XPO4: variants seen among roughly 807,000 people sequenced by gnomAD.
The protein encoded by XPO4 is exportin 4, also known as exportin-4.
XPO4 carries 39 observed loss-of-function variants against 143.0 expected under a neutral mutation model. The observed-to-expected ratio is 0.27, with a 90% confidence interval of 0.21 to 0.36. The LOEUF is 0.36. XPO4 is among the 10% of genes least tolerant of loss of function. The pLI is 1.00. For synonymous variants in XPO4, 439 were observed against 474.0 expected (o/e 0.93, Z 0.96); for missense variants, 907 against 1,348.0 (o/e 0.67, Z 5.12).
rs1486746003 is a variant in XPO4, at chr13:20,897,011, C to T, written c.69+5659G>A. Reference sequence around the variant, plus strand: ...AATTAGTGTGACACAAGTCCAACTGCAAATACACATTTAATTGAACTGAAT... The same window carrying T: ...AATTAGTGTGACACAAGTCCAACTGTAAATACACATTTAATTGAACTGAAT... On this transcript the variant is annotated intron_variant, in intron 1 of 22. Coordinates refer to ENST00000255305, the MANE Select transcript of XPO4 (RefSeq NM_022459.5). Among the ~76,000 whole-genome samples, 4 of 152,164 alleles carry T rather than the reference C, an allele frequency of 2.6e-5. No individual in the cohort carries two copies. In the East Asian group the frequency reaches 7.7e-4, roughly 29 times the overall value.
chr13:20,894,219 T>C (rs1056488068), intron 1 of XPO4, among the ~76,000 whole-genome samples: 3 of 152,190 alleles, frequency 2.0e-5, no homozygotes, highest in African/African-American at 7.2e-5. Flanking sequence ...CTCTAAAATA[T>C]TGTCAAATTA....
intron 1 of XPO4, among the ~76,000 whole-genome samples, chr13:20,899,407 C>A (rs1315425415): frequency 6.6e-6 from 1 of 151,524 alleles, no homozygotes; most frequent in Admixed American, 6.6e-5. Flanking sequence ...CAGCCTGGAT[C>A]AGTTATATCA....
intron 2 of XPO4, among the ~76,000 whole-genome samples, chr13:20,866,907 G>A (rs1329350128): frequency 1.3e-5 from 2 of 152,184 alleles, no homozygotes; most frequent in Non-Finnish European, 2.9e-5. Context: ...CAATGACACT[G>A]AATTCCAATA....
At chr13:20,896,899 T>C (rs2060574930) in intron 1 of XPO4, among the ~76,000 whole-genome samples, 1 of 152,242 alleles carries the variant, frequency 6.6e-6, no homozygotes, top group African/African-American at 2.4e-5. Flanking sequence ...TAAAATGCTG[T>C]TAAATTTTAA....
intron 4 of XPO4, chr13:20,848,407 T>TA: frequency 3.0e-6 from 3 of 985,360 alleles, no homozygotes; most frequent in Non-Finnish European, 3.6e-6. Context: ...TCATCTACAG[T>TA]AAGGGCTACC....
At chr13:20,806,539 CTTTTTTTTTTTTTTTTT>C (rs3056347) in intron 13 of XPO4, among the ~76,000 whole-genome samples, 4 of 61,648 alleles carry the variant, frequency 6.5e-5, no homozygotes, top group South Asian at 1.9e-3. Flanking sequence ...TTTCAGGACC[CTTTTTTTTTTTTTTTTT>C]TTTTTTTTTT....
At chr13:20,809,358 A>C in intron 10 of XPO4, 133 bp from the exon 11 acceptor site, 1 of 1,102,630 alleles carries the variant, frequency 9.1e-7, no homozygotes, top group Non-Finnish European at 1.3e-6. Context: ...CCGACCTTTG[A>C]GCACAGCTAT....
chr13:20,822,046 A>G, intron 8 of XPO4, 86 bp downstream of exon 8: 1 of 1,477,458 alleles, frequency 6.8e-7, no homozygotes, highest in Admixed American at 2.3e-5. Context: ...ATAAGGGGGA[A>G]AAAATAACTA....
At chr13:20,804,596 T>C (rs1430232259) in intron 13 of XPO4, among the ~76,000 whole-genome samples, 1 of 152,166 alleles carries the variant, frequency 6.6e-6, no homozygotes, top group Admixed American at 6.6e-5. Context: ...TCTAACTGTA[T>C]CCTCAGATGC....
Position 20,803,459 on chromosome 13 carries a change from C to T in XPO4, c.1818-2469G>A, listed in dbSNP as rs903967303. Among the ~76,000 whole-genome samples the T allele has an allele frequency of 9.9e-5, 15 of 152,174 alleles. No homozygotes were observed. The highest frequency in any genetic ancestry group is 5.2e-4 in the Admixed American group (8 of 15,274). On this transcript the variant is annotated intron_variant, in intron 13 of 22. Coordinates refer to ENST00000255305, the MANE Select transcript of XPO4 (RefSeq NM_022459.5). The surrounding 1 kb of genome is among the most constrained non-coding windows in gnomAD (Gnocchi z 4.1). ...CTGAGTCAGGCAGGTCCAGGGGAGG[C>T]ACCCAGGGGCCTTTCTTCTACCTCA...
intron 4 of XPO4, chr13:20,850,822 C>T (rs753767969): frequency 1.4e-5 from 14 of 985,300 alleles, no homozygotes; most frequent in Non-Finnish European, 1.6e-5. Flanking sequence ...GGGGGAAAAG[C>T]CAGACTACAT....
At chr13:20,855,794 A>T (rs1484593699) in intron 3 of XPO4, 29 bp from the exon 4 acceptor site, 4 of 1,549,668 alleles carry the variant, frequency 2.6e-6, no homozygotes, top group Non-Finnish European at 3.5e-6. Context: ...ATTGTGAAAA[A>T]TTTACCTAAA....
intron 15 of XPO4, 30 bp from the exon 16 acceptor site, chr13:20,799,369 G>T (rs1281673598): frequency 6.3e-7 from 1 of 1,582,242 alleles, no homozygotes; most frequent in Middle Eastern, 1.7e-4. Context: ...AACATAAGAT[G>T]TATTACTATG....
At chr13:20,875,831 C>A (rs1376355206) in intron 1 of XPO4, among the ~76,000 whole-genome samples, 1 of 152,160 alleles carries the variant, frequency 6.6e-6, no homozygotes, top group Non-Finnish European at 1.5e-5. Flanking sequence ...ACTGCACTAG[C>A]ATACAGGTCT....
chr13:20,834,541 C>A (rs1566594813), intron 6 of XPO4, among the ~76,000 whole-genome samples: 1 of 151,688 alleles, frequency 6.6e-6, no homozygotes. Flanking sequence ...CCCCTGCACT[C>A]CAGCCTGGGC....
At chr13:20,843,185 T>A (rs2059993555) in intron 5 of XPO4, 137 bp from the exon 6 acceptor site, 5 of 846,886 alleles carry the variant, frequency 5.9e-6, no homozygotes, top group Non-Finnish European at 8.9e-6. Context: ...GTTCCATTTT[T>A]AGGCCTCTAC....
intron 9 of XPO4, among the ~76,000 whole-genome samples, chr13:20,810,191 G>GA (rs2059561409): frequency 6.6e-6 from 1 of 152,008 alleles, no homozygotes. Context: ...GTGTTTTGTG[G>GA]AACATGCATT....
chr13:20,791,985 C>A (rs1408801815), intron 18 of XPO4, among the ~76,000 whole-genome samples: 1 of 152,186 alleles, frequency 6.6e-6, no homozygotes, highest in Admixed American at 6.5e-5. Context: ...ACCCAAGGAA[C>A]CCCAGCCTGC....
At position 20,868,740 on chromosome 13, in the gene XPO4, T is replaced by C. The variant is rs200946138; in HGVS notation, c.70-39A>G. On this transcript the variant is annotated intron_variant, in intron 1 of 22. Transcript: ENST00000255305. ...GACAAGAACAGATACACTTATCTAATGACAAAGCTTAAATAATATCAATAT... is the reference window on the plus strand; with the variant it reads ...GACAAGAACAGATACACTTATCTAACGACAAAGCTTAAATAATATCAATAT... 5.1e-5 allele frequency: 80 copies of C among 1,566,884 alleles called. No individual in the cohort carries two copies. In the African/African-American group the frequency reaches 9.9e-4, roughly 19 times the overall value.
Sources: allele counts gnomAD v4.1 joint callset (sites outside exome capture counted in the v4.1 genomes callset), GRCh38; gene constraint gnomAD v4.1.1; non-coding constraint Gnocchi (gnomAD v3.1); transcripts MANE v1.5; gene names NCBI Gene and HGNC (gene_info 2026-07-23, HGNC 2026-07-21).